The following EFL1 variants were observed in gnomAD, a reference collection of about 807,000 sequenced individuals.
EFL1 encodes elongation factor-like GTPase 1.
Under a neutral mutation model 126.7 loss-of-function variants are expected in EFL1, and 76 were observed. That is an observed-to-expected ratio of 0.60 (90% CI 0.50 to 0.73). The LOEUF is 0.73. EFL1 is among the 30% of genes least tolerant of loss of function. The pLI is 0.00. For missense variants in EFL1, 1,128 were observed against 1,343.2 expected (o/e 0.84, Z 2.50); for synonymous variants, 410 against 448.4 (o/e 0.91, Z 1.08).
intron 3 of EFL1, among the ~76,000 whole-genome samples, chr15:82,253,774 C>T (rs2075044483): frequency 6.6e-6 from 1 of 151,992 alleles, no homozygotes; most frequent in Admixed American, 6.6e-5. Context: ...ACTGTAATAC[C>T]CACCAATGAG....
At chr15:82,177,172 C>A (rs1218940663) in intron 15 of EFL1, among the ~76,000 whole-genome samples, 1 of 152,192 alleles carries the variant, frequency 6.6e-6, no homozygotes, top group Non-Finnish European at 1.5e-5. Flanking sequence ...TATGAAAATT[C>A]ATCAAGCTGT....
intron 19 of EFL1, among the ~76,000 whole-genome samples, chr15:82,135,613 C>T (rs1473100246): frequency 6.6e-6 from 1 of 152,140 alleles, no homozygotes. Context: ...TGATTGGGTA[C>T]AGCTGTATTC....
intron 15 of EFL1, among the ~76,000 whole-genome samples, chr15:82,198,927 C>T (rs984233827): frequency 1.3e-5 from 2 of 151,910 alleles, no homozygotes; most frequent in African/African-American, 4.8e-5. Flanking sequence ...AATATAGAAC[C>T]AAACATATAG....
chr15:82,249,331 ATAC>A (rs766291639), intron 4 of EFL1, among the ~76,000 whole-genome samples: 6 of 151,574 alleles, frequency 4.0e-5, no homozygotes, highest in Non-Finnish European at 8.8e-5. Context: ...ACATACATAT[ATAC>A]TATATATGCA....
intron 15 of EFL1, among the ~76,000 whole-genome samples, chr15:82,171,357 G>A (rs899741209): frequency 2.0e-5 from 3 of 152,190 alleles, no homozygotes; most frequent in East Asian, 1.9e-4. Context: ...TAGTGACAGC[G>A]GTCTGTTAGA....
At chr15:82,132,048 G>C (rs1045789070) in intron 19 of EFL1, among the ~76,000 whole-genome samples, 1 of 152,194 alleles carries the variant, frequency 6.6e-6, no homozygotes, top group Non-Finnish European at 1.5e-5. Context: ...TCTGGACCAA[G>C]ATAATAAAAT....
chr15:82,220,278 G>A, intron 12 of EFL1, 49 bp from the exon 13 acceptor site: 1 of 1,523,184 alleles, frequency 6.6e-7, no homozygotes, highest in East Asian at 2.4e-5. Flanking sequence ...ATCCAAGTAG[G>A]GAAACAGCAA....
intron 4 of EFL1, among the ~76,000 whole-genome samples, chr15:82,243,721 G>A (rs1318423751): frequency 7.1e-6 from 1 of 140,128 alleles, no homozygotes; most frequent in African/African-American, 2.7e-5. Context: ...AGACCTTTTA[G>A]GGAATAGTCA....
chr15:82,246,011 ATTAAG>A (rs1405272525), intron 4 of EFL1, among the ~76,000 whole-genome samples: 1 of 151,986 alleles, frequency 6.6e-6, no homozygotes, highest in African/African-American at 2.4e-5. Context: ...TAGCAAACTG[ATTAAG>A]TTTTCTTTTG....
chr15:82,146,706 A>G (rs1325766080), intron 18 of EFL1, among the ~76,000 whole-genome samples: 1 of 152,080 alleles, frequency 6.6e-6, no homozygotes, highest in African/African-American at 2.4e-5. Flanking sequence ...AAGTATTAAG[A>G]AAGTTGACCA....
At chr15:82,254,071 T>C (rs537238503) in intron 3 of EFL1, among the ~76,000 whole-genome samples, 1 of 152,344 alleles carries the variant, frequency 6.6e-6, no homozygotes, top group East Asian at 1.9e-4. Context: ...TCTGAAATTT[T>C]CAGAAAAGCT....
intron 15 of EFL1, among the ~76,000 whole-genome samples, chr15:82,172,443 G>A (rs961348814): frequency 1.3e-5 from 2 of 152,124 alleles, no homozygotes; most frequent in African/African-American, 4.8e-5. Flanking sequence ...TCTGATTGGG[G>A]CCTACTACTG....
intron 12 of EFL1, among the ~76,000 whole-genome samples, chr15:82,220,953 C>T (rs8033831): frequency 6.6e-6 from 1 of 151,950 alleles, no homozygotes; most frequent in African/African-American, 2.4e-5. Context: ...GAAACCAGGC[C>T]GGTAGACTGT....
At position 82,157,262 on chromosome 15, in the gene EFL1, G is replaced by A. The variant is rs559814752; in HGVS notation, c.2030+451C>T. Reference sequence around the variant, plus strand: ...TTTGGAACAAAGAAGAAAAATGCCCGTTATAAAAATTTGGGATGCCCATTT... The same window carrying A: ...TTTGGAACAAAGAAGAAAAATGCCCATTATAAAAATTTGGGATGCCCATTT... On this transcript the variant is annotated intron_variant, in intron 17 of 19. Coordinates refer to ENST00000268206, the MANE Select transcript of EFL1 (RefSeq NM_024580.6). Among the ~76,000 whole-genome samples the A allele has an allele frequency of 1.1e-4, 16 of 152,104 alleles. No individual in the cohort carries two copies. The East Asian group carries it at 2.1e-3, about 20-fold the overall frequency.
At chr15:82,178,188 G>T (rs368371652) in intron 15 of EFL1, among the ~76,000 whole-genome samples, 25 of 152,310 alleles carry the variant, frequency 1.6e-4, no homozygotes, top group African/African-American at 6.0e-4. Context: ...CATCTTTGAA[G>T]AAGCTTTCAC....
intron 18 of EFL1, among the ~76,000 whole-genome samples, chr15:82,142,420 T>G (rs1006214810): frequency 6.6e-6 from 1 of 151,768 alleles, no homozygotes; most frequent in Admixed American, 6.6e-5. Flanking sequence ...AGCTCAGGAG[T>G]TGGAGGCTGC....
At chr15:82,147,502 C>T (rs1200658102) in intron 18 of EFL1, among the ~76,000 whole-genome samples, 1 of 144,844 alleles carries the variant, frequency 6.9e-6, no homozygotes, top group Non-Finnish European at 1.5e-5. Flanking sequence ...ATTAGCTGGG[C>T]GTGGTGGTGC....
intron 1 of EFL1, 35 bp downstream of exon 1, chr15:82,262,579 G>A: frequency 1.2e-5 from 4 of 324,966 alleles, no homozygotes; most frequent in Non-Finnish European, 2.2e-5. Flanking sequence ...GGCTGGCCTA[G>A]GAGGTTCCAG....
chr15:82,199,450 T>C (rs982635075), intron 15 of EFL1, among the ~76,000 whole-genome samples: 13 of 152,326 alleles, frequency 8.5e-5, no homozygotes, highest in Middle Eastern at 6.8e-3. Context: ...TCTGGCTCAA[T>C]TGGAGACAGC....
Sources: gnomAD v4.1 joint callset for allele counts (sites outside exome capture counted in the v4.1 genomes callset) on GRCh38, gnomAD v4.1.1 for gene constraint, MANE v1.5 for transcripts, NCBI Gene and HGNC (gene_info 2026-07-23, HGNC 2026-07-21) for gene names.